Variants in CIC observed in about 807,000 individuals in gnomAD.
CIC encodes the protein capicua transcriptional repressor, also known as protein capicua homolog.
In CIC, 18 loss-of-function variants were observed where a neutral mutation model predicts 115.7. That is an observed-to-expected ratio of 0.16 (90% CI 0.11 to 0.23). The LOEUF (loss-of-function observed/expected upper bound fraction) is 0.23. Among genes scored for constraint, CIC ranks in the 10% least tolerant of loss-of-function variants. The probability of loss-of-function intolerance (pLI) is 1.00; values close to 1 mark genes in which losing one functional copy is unlikely to be tolerated. For synonymous variants in CIC, 1,076 were observed against 923.0 expected, an observed-to-expected ratio of 1.17 and a Z score of -3.01; for missense variants, 2,000 against 2,159.3, an observed-to-expected ratio of 0.93 and a Z score of 1.46.
rs1366651454 is a variant in CIC, at chr19:42,290,264, T to C, written c.4223T>C (p.Ile1408Thr). The C allele has an allele frequency of 1.5e-5, 25 of 1,613,920 alleles. No homozygotes were observed. Among genetic ancestry groups the C allele is most frequent in the Non-Finnish European group, 2.0e-5 (24 of 1,179,988 alleles). ...GFGRKVFSPV[I>T]RSSFTHCRPP... ...GGTCGGAAGGTGTTTTCACCTGTGA[T>C]CCGTTCCTCCTTTACCCACTGCCGC... The change falls in exon 11 of 21, where the codon ATC becomes ACC. Residue 1408 changes from isoleucine (I) to threonine (T), a missense_variant. Around this residue, in one of 8 missense-constraint regions of CIC, gnomAD observed 1,466 missense variants for 1,390.4 expected, o/e 1.05. Coordinates refer to ENST00000681038, the MANE Select transcript of CIC (RefSeq NM_001386298.1).
intron 7 of CIC, 39 bp downstream of exon 7, chr19:42,288,014 C>A: frequency 1.3e-6 from 2 of 1,557,988 alleles, no homozygotes; most frequent in Non-Finnish European, 1.7e-6. Flanking sequence ...TGCCACCTCC[C>A]TCCCCGAGAG....
chr19:42,269,315 G>C lies in CIC; in HGVS notation c.-77G>C, dbSNP rs1344647988. 5 of 150,016 alleles carry C rather than the reference G, an allele frequency of 3.3e-5. No homozygotes were observed. In the East Asian group the frequency reaches 7.9e-4, roughly 24 times the overall value. 9.3% of individuals were successfully genotyped at this position (150,016 alleles called of 1,614,324 possible). ...CGAGAGGGAGAGCCGGAGGGGGGGC[G>C]GGGAGGGACCGGACCGGACCGAGCC... On this transcript the variant is annotated 5_prime_UTR_variant, in exon 1 of 21. Transcript: ENST00000681038.
rs146236945 is a variant in CIC, at chr19:42,292,732, C to G, written c.6069C>G (p.Ala2023=). ...SSAPLAQPSQ[A]PPSLVYTVAT... ...CACCCCTGGCCCAGCCATCCCAGGCCCCCCCAAGCCTGGTCTACACTGTGG... is the reference window on the plus strand; with the variant it reads ...CACCCCTGGCCCAGCCATCCCAGGCGCCCCCAAGCCTGGTCTACACTGTGG... Residue 2023 remains alanine (A), a synonymous_variant, in exon 15 of 21, where the codon GCC becomes GCG. Transcript: ENST00000681038. 1.8e-4 allele frequency: 292 copies of G among 1,613,802 alleles called. 1 individual carries two copies. In the African/African-American group the frequency reaches 3.2e-3, roughly 18 times the overall value.
intron 7 of CIC, 90 bp from the exon 8 acceptor site, chr19:42,288,798 A>T: frequency 8.4e-7 from 1 of 1,185,844 alleles, no homozygotes; most frequent in South Asian, 1.3e-5. Context: ...GCTTCTGCCT[A>T]GTACCTAGAA....
chr19:42,270,750 G>T lies in CIC; in HGVS notation c.-10-1024G>T, dbSNP rs933872535. On this transcript the variant is annotated intron_variant, in intron 1 of 20. Transcript: ENST00000681038. The surrounding 1 kb of genome is among the most constrained non-coding windows in gnomAD (Gnocchi z 4.1). The stretch of plus-strand genomic sequence containing the variant: ...TGCGGGTATCACGCTGGGTGCTGTG[G>T]GGGGAGGAGCAGGCTCCCATCCAGT... Among the ~76,000 whole-genome samples, 1 of 151,956 alleles carries T rather than the reference G, an allele frequency of 6.6e-6. No homozygotes were observed. Among genetic ancestry groups the T allele is most frequent in the South Asian group, 2.1e-4 (1 of 4,822 alleles).
rs572050637 is a variant in CIC, at chr19:42,280,206, A to G, written c.2794+5629A>G. 7.0e-6 allele frequency: 1 copy of G among 143,514 alleles called. No individual in the cohort carries two copies. The highest frequency in any genetic ancestry group is 2.5e-4 in the South Asian group (1 of 4,066). 8.9% of individuals were successfully genotyped at this position (143,514 alleles called of 1,614,324 possible). On this transcript the variant is annotated intron_variant, in intron 2 of 20. Coordinates refer to ENST00000681038, the MANE Select transcript of CIC (RefSeq NM_001386298.1). The surrounding 1 kb of genome is among the most constrained non-coding windows in gnomAD (Gnocchi z 4.9). ...TCCCGCTCCCCACGAGGGCCCGGGC[A>G]GGGAACTCCCGTCCCCCTATTTCAG...
chr19:42,269,776 G>A (rs2036701746), intron 1 of CIC, among the ~76,000 whole-genome samples: 1 of 147,528 alleles, frequency 6.8e-6, no homozygotes, highest in South Asian at 2.2e-4. Context: ...ACAGGAGGGG[G>A]CCTAGGGCAT....
rs748077585 is a variant in CIC, at chr19:42,287,804, T to C, written c.3493-6T>C. ...AGTGAAGGGTTGCCCTGCCCTCTCCTGCCAGGTGAAGGAGGCCCACTTCAA... is the reference window on the plus strand; with the variant it reads ...AGTGAAGGGTTGCCCTGCCCTCTCCCGCCAGGTGAAGGAGGCCCACTTCAA... On this transcript the variant is annotated splice_region_variant and splice_polypyrimidine_tract_variant and intron_variant, in intron 6 of 20. Coordinates refer to ENST00000681038, the MANE Select transcript of CIC (RefSeq NM_001386298.1). The surrounding 1 kb of genome is among the most constrained non-coding windows in gnomAD (Gnocchi z 8.7). The C allele has an allele frequency of 1.2e-6, 2 of 1,613,982 alleles. No individual in the cohort carries two copies. The highest frequency in any genetic ancestry group is 1.7e-6 in the Non-Finnish European group (2 of 1,179,918).
intron 2 of CIC, among the ~76,000 whole-genome samples, chr19:42,278,829 G>A (rs1375000759): frequency 6.6e-6 from 1 of 152,194 alleles, no homozygotes; most frequent in African/African-American, 2.4e-5. Context: ...GCCTACTACT[G>A]TCCCTGAAAT....
chr19:42,288,751 T>G (rs79135021), intron 7 of CIC, 137 bp from the exon 8 acceptor site: 27 of 783,358 alleles, frequency 3.4e-5, no homozygotes, highest in Middle Eastern at 3.4e-4. Context: ...GGGTGGTGGT[T>G]TTTTTTTTTC....
chr19:42,292,329 A>G lies in CIC; in HGVS notation c.5765A>G (p.His1922Arg), dbSNP rs1199168755. The change falls in exon 14 of 21, where the codon CAC becomes CGC. Residue 1922 changes from histidine (H) to arginine (R), a missense_variant. His to Arg is a conservative substitution (Grantham distance 29). Coordinates refer to ENST00000681038, the MANE Select transcript of CIC (RefSeq NM_001386298.1). ...ACCTATGTGCAGTCAGCGGGCGGGC[A>G]CGCGCTGCCCCTGGGTACCAGCCCT... ...RITYVQSAGG[H>R]ALPLGTSPAS... 3.7e-6 allele frequency: 6 copies of G among 1,612,938 alleles called. No individual in the cohort carries two copies.
rs376882915 is a variant in CIC at position 42,287,935 on chromosome 19, G to A, written c.3618G>A (p.Glu1206=). 1 of 1,605,898 alleles carries A rather than the reference G, an allele frequency of 6.2e-7. No individual in the cohort carries two copies. Among genetic ancestry groups the A allele is most frequent in the Non-Finnish European group, 8.5e-7 (1 of 1,176,652 alleles). ...CAGGAGGGCACAAGGAGACGCGGGAGCGGAGCATGTCGGAGACGGGCACTG... is the reference window on the plus strand; with the variant it reads ...CAGGAGGGCACAAGGAGACGCGGGAACGGAGCATGTCGGAGACGGGCACTG... ...GLAGGHKETR[E]RSMSETGTAA... Residue 1206 remains glutamate, a synonymous_variant, in exon 7 of 21, where the codon GAG becomes GAA. Transcript: ENST00000681038. The surrounding 1 kb of genome is among the most constrained non-coding windows in gnomAD (Gnocchi z 8.7).
Position 42,271,810 on chromosome 19 carries a change from T to C in CIC, c.27T>C (p.Thr9=). MKPMKKAC[T]GLSGPGSGSK... is the part of the protein sequence containing the mutation. ...TGAAGCCAATGAAGAAGGCATGCAC[T>C]GGCCTTTCAGGTCCTGGCAGTGGCA... The change falls in exon 2 of 21, where the codon ACT becomes ACC. Residue 9 remains threonine, a synonymous_variant. Coordinates refer to ENST00000681038, the MANE Select transcript of CIC (RefSeq NM_001386298.1). The C allele has an allele frequency of 2.5e-6, 1 of 398,784 alleles. No individual in the cohort carries two copies. Among genetic ancestry groups the C allele is most frequent in the East Asian group, 3.6e-5 (1 of 28,082 alleles). The allele number at this position is 398,784 out of a possible 1,614,324, so 24.7% of individuals were successfully genotyped here. A position where few individuals can be genotyped will look rare whatever the true frequency, so the allele number is the denominator to read the frequency against.
Position 42,291,196 on chromosome 19 carries a change from A to G in CIC, c.5155A>G (p.Ile1719Val). ...CCCCAATGGGCCAGTACCCCTGGGC[A>G]TCCTGCAACCAGGTGCCCTGGGCAA... ...SGPNGPVPLG[I>V]LQPGALGKAG... Residue 1719 changes from isoleucine to valine, a missense_variant, in exon 11 of 21, where the codon ATC becomes GTC. Ile to Val is a conservative substitution (Grantham distance 29). This residue lies in a region of CIC where 1,466 missense variants were observed against 1,390.4 expected (regional missense o/e 1.05). Transcript: ENST00000681038. 6.2e-7 allele frequency: 1 copy of G among 1,610,300 alleles called. No homozygotes were observed. Among genetic ancestry groups the G allele is most frequent in the Non-Finnish European group, 8.5e-7 (1 of 1,178,368 alleles).
At chr19:42,269,001 T>C (rs533520887), upstream of CIC, among the ~76,000 whole-genome samples, 1 of 152,236 alleles carries the variant, frequency 6.6e-6, no homozygotes, top group Admixed American at 6.5e-5. Context: ...TCACTTGTTG[T>C]AGGGTAGGGC....
chr19:42,292,381 C>G lies in CIC; in HGVS notation c.5817C>G (p.Thr1939=), dbSNP rs1036891947. 1 of 1,612,740 alleles carries G rather than the reference C, an allele frequency of 6.2e-7. No individual in the cohort carries two copies. The highest frequency in any genetic ancestry group is 8.5e-7 in the Non-Finnish European group (1 of 1,179,848). Residue 1939 remains threonine (T), a synonymous_variant, in exon 14 of 21, where the codon ACC becomes ACG. Transcript: ENST00000681038. The stretch of plus-strand genomic sequence containing the variant: ...CGTCCAGCCAGGCTGGAACAGTCAC[C>G]TCGTACGGGCCCACGAGCTCTGTAG... ...SPASSQAGTV[T]SYGPTSSVAL... is the part of the protein sequence containing the mutation.
chr19:42,290,558 C>T lies in CIC; in HGVS notation c.4517C>T (p.Thr1506Ile), dbSNP rs1421819346. The T allele has an allele frequency of 6.2e-7, 1 of 1,613,558 alleles. No homozygotes were observed. The highest frequency in any genetic ancestry group is 1.7e-5 in the Admixed American group (1 of 59,998). ...CGGTTCCTCCCAATGGATCCTGCCA[C>T]CTTCCGGCGCAAGAGACCCGAAAGT... Reference protein sequence around the residue: ...ATRFLPMDPATFRRKRPESVG... With the variant: ...ATRFLPMDPAIFRRKRPESVG... Residue 1506 changes from threonine (T) to isoleucine (I), a missense_variant, in exon 11 of 21, where the codon ACC becomes ATC. Around this residue, in one of 8 missense-constraint regions of CIC, gnomAD observed 1,466 missense variants for 1,390.4 expected, o/e 1.05. Transcript: ENST00000681038.
chr19:42,269,087 G>GCCC (rs907131880), upstream of CIC: 8 of 152,180 alleles, frequency 5.3e-5, no homozygotes, highest in Admixed American at 3.3e-4. Context: ...CTTTGGCCCC[G>GCCC]CCCCCTAGCG....
intron 9 of CIC, 77 bp from the exon 10 acceptor site, chr19:42,289,771 A>C: frequency 1.6e-6 from 2 of 1,268,116 alleles, no homozygotes; most frequent in Non-Finnish European, 2.2e-6. Flanking sequence ...CAGAGCTGAG[A>C]TCCAGGCTCC....
Sources: allele counts gnomAD v4.1 joint callset (sites outside exome capture counted in the v4.1 genomes callset), GRCh38; gene constraint gnomAD v4.1.1; regional missense constraint gnomAD v4.1.1; non-coding constraint Gnocchi (gnomAD v3.1); transcripts MANE v1.5; gene names NCBI Gene and HGNC (gene_info 2026-07-23, HGNC 2026-07-21).